SLC15A5: variants seen among roughly 807,000 people sequenced by gnomAD.
The protein encoded by SLC15A5 is Peptide/histidine transporter ENSP00000340402.
Under a neutral mutation model 56.1 loss-of-function variants are expected in SLC15A5, and 58 were observed. That is an observed-to-expected ratio of 1.03 (90% CI 0.84 to 1.29). The LOEUF (loss-of-function observed/expected upper bound fraction) is 1.29. SLC15A5 is among the 50% of genes most tolerant of loss of function. The pLI is 0.00. For synonymous variants in SLC15A5, 264 were observed against 250.5 expected, an observed-to-expected ratio of 1.05 and a Z score of -0.51; for missense variants, 681 against 672.1, an observed-to-expected ratio of 1.01 and a Z score of -0.15.
intron 6 of SLC15A5, among the ~76,000 whole-genome samples, chr12:16,219,925 C>G (rs6488826): frequency 0.56 from 84,451 of 151,954 alleles, 23,741 homozygotes; most frequent in South Asian, 0.74. Context: ...AATGTGCCTC[C>G]AGGTAGTAGC....
chr12:16,235,175 T>C lies in SLC15A5; in HGVS notation c.1162+4506A>G, dbSNP rs1864337221. Among the ~76,000 whole-genome samples, 1 of 151,592 alleles carries C rather than the reference T, an allele frequency of 6.6e-6. No homozygotes were observed. The highest frequency in any genetic ancestry group is 1.5e-5 in the Non-Finnish European group (1 of 67,888). On this transcript the variant is annotated intron_variant, in intron 5 of 8. Transcript: ENST00000344941. This position sits in a 1 kb window ranked among gnomAD's most constrained non-coding sequence, Gnocchi z 4.1. ...ACTTTTTAGGGTGGCATATGTTTTTTATTTTTATTGTTTTCCCCTATTTGT... is the reference window on the plus strand; with the variant it reads ...ACTTTTTAGGGTGGCATATGTTTTTCATTTTTATTGTTTTCCCCTATTTGT...
In SLC15A5 at chr12:16,256,027, TCACTAGCTGTA is replaced by T. The variant is rs1864568312; in HGVS notation, c.754+1663_754+1673del. Among the ~76,000 whole-genome samples, 4 of 152,320 alleles carry T rather than the reference TCACTAGCTGTA, an allele frequency of 2.6e-5. No homozygotes were observed. In the East Asian group the frequency reaches 7.7e-4, roughly 29 times the overall value. ...CCAAGTATGGAAACAAATTTGAGAA[TCACTAGCTGTA>T]GTAGATTAAAATACATAAAAAATGC... On this transcript the variant is annotated intron_variant, in intron 3 of 8. Coordinates refer to ENST00000344941, the MANE Select transcript of SLC15A5 (RefSeq NM_001170798.1).
At chr12:16,261,288 C>T (rs1188997278) in intron 2 of SLC15A5, among the ~76,000 whole-genome samples, 2 of 152,224 alleles carry the variant, frequency 1.3e-5, no homozygotes, top group East Asian at 3.9e-4. Context: ...TTTTTTCTGC[C>T]ACTATAAATT....
Position 16,247,445 on chromosome 12 carries a change from G to A in SLC15A5, c.755-2645C>T, listed in dbSNP as rs1671495. On this transcript the variant is annotated intron_variant, in intron 3 of 8. Transcript: ENST00000344941. ...GGGCCCTGAAAATATAGCAGTGAAC[G>A]GTACCTACAAACTCCTGATTCTTCT... 8.7e-3 allele frequency among the ~76,000 whole-genome samples: 1,326 copies of A among 152,170 alleles called. 9 individuals are homozygous for A. The highest frequency in any genetic ancestry group is 0.03 in the African/African-American group (1,228 of 41,514).
intron 5 of SLC15A5, 94 bp downstream of exon 5, chr12:16,239,587 C>G (rs746653566): frequency 8.2e-7 from 1 of 1,215,948 alleles, no homozygotes; most frequent in Non-Finnish European, 1.1e-6. Context: ...AAATCTGACA[C>G]TACTCAGGAG....
chr12:16,238,134 A>T (rs1436116380), intron 5 of SLC15A5, among the ~76,000 whole-genome samples: 1 of 152,198 alleles, frequency 6.6e-6, no homozygotes, highest in Non-Finnish European at 1.5e-5. Context: ...TCTATAATTG[A>T]AGATGATAAA....
In SLC15A5 at chr12:16,271,826, T is replaced by TA. The variant is rs1187806707; in HGVS notation, c.584+734dup. On this transcript the variant is annotated intron_variant, in intron 2 of 8. Coordinates refer to ENST00000344941, the MANE Select transcript of SLC15A5 (RefSeq NM_001170798.1). The surrounding 1 kb of genome is among the most constrained non-coding windows in gnomAD (Gnocchi z 8.0). The stretch of plus-strand genomic sequence containing the variant: ...TATTTGGTAATATAAATTGTTTCCT[T>TA]AAAAAACACAAAAACCGACGAACTC... Among the ~76,000 whole-genome samples, 1 of 152,076 alleles carries TA rather than the reference T, an allele frequency of 6.6e-6. No individual in the cohort carries two copies. The highest frequency in any genetic ancestry group is 1.5e-5 in the Non-Finnish European group (1 of 67,994).
At position 16,189,788 on chromosome 12, in the gene SLC15A5, G is replaced by A. The variant is rs1268525257; in HGVS notation, c.1620C>T (p.Ala540=). Residue 540 remains alanine, a synonymous_variant, in exon 9 of 9, where the codon GCC becomes GCT. Coordinates refer to ENST00000344941, the MANE Select transcript of SLC15A5 (RefSeq NM_001170798.1). ...QRYCNLNHFN[A]QNIRGSNLEE... ...CAAGATTACTTCCACGGATGTTCTG[G>A]GCATTAAAATGATTTAGATTACAAT... 1.3e-6 allele frequency: 2 copies of A among 1,514,444 alleles called. No individual in the cohort carries two copies. Among genetic ancestry groups the A allele is most frequent in the Non-Finnish European group, 1.8e-6 (2 of 1,137,186 alleles). The allele number at this position is 1,514,444 out of a possible 1,614,324, so 93.8% of individuals were successfully genotyped here. A position where few individuals can be genotyped will look rare whatever the true frequency, so the allele number is the denominator to read the frequency against.
chr12:16,211,013 C>T (rs1864074595), intron 7 of SLC15A5, among the ~76,000 whole-genome samples: 2 of 152,150 alleles, frequency 1.3e-5, no homozygotes. Flanking sequence ...CTGACTTAGC[C>T]ACAGGAACCA....
At chr12:16,264,584 A>G (rs1864674906) in intron 2 of SLC15A5, among the ~76,000 whole-genome samples, 1 of 152,152 alleles carries the variant, frequency 6.6e-6, no homozygotes, top group African/African-American at 2.4e-5. Flanking sequence ...CAGAGGCAGA[A>G]TGATATTGTT....
intron 8 of SLC15A5, among the ~76,000 whole-genome samples, chr12:16,190,334 T>A (rs778856491): frequency 2.6e-5 from 4 of 152,134 alleles, no homozygotes; most frequent in Non-Finnish European, 4.4e-5. Flanking sequence ...TTTCACAGAT[T>A]AAGAAACTGA....
intron 3 of SLC15A5, among the ~76,000 whole-genome samples, chr12:16,253,768 C>T (rs1465968244): frequency 6.6e-6 from 1 of 152,114 alleles, no homozygotes; most frequent in East Asian, 1.9e-4. Context: ...ATTAAAAGAT[C>T]AGAAAAATAC....
intron 7 of SLC15A5, among the ~76,000 whole-genome samples, chr12:16,211,752 G>T (rs1864083216): frequency 6.6e-6 from 1 of 152,142 alleles, no homozygotes; most frequent in East Asian, 1.9e-4. Context: ...AGTGTAGGAG[G>T]ATGAGTTTAG....
intron 2 of SLC15A5, among the ~76,000 whole-genome samples, chr12:16,261,212 C>T (rs1864640086): frequency 6.6e-6 from 1 of 152,058 alleles, no homozygotes; most frequent in East Asian, 1.9e-4. Context: ...TCAGTCACAT[C>T]CCTTTGTCAT....
chr12:16,257,579 A>G (rs993556334), intron 3 of SLC15A5, 122 bp downstream of exon 3: 6 of 724,238 alleles, frequency 8.3e-6, no homozygotes, highest in Non-Finnish European at 1.2e-5. Flanking sequence ...TATCAAGGGT[A>G]ATATCTGACA....
chr12:16,275,273 G>A (rs1244588062), intron 1 of SLC15A5, among the ~76,000 whole-genome samples: 2 of 152,048 alleles, frequency 1.3e-5, no homozygotes, highest in African/African-American at 4.8e-5. Context: ...AGAGAGAAGA[G>A]CATGTACAAG....
rs866655271 is a variant in SLC15A5, at chr12:16,244,596, C to T, written c.959G>A (p.Arg320Lys). ...LPLFIFQLLYRMCIMQIPSGY... is the reference protein window; with the variant it reads ...LPLFIFQLLYKMCIMQIPSGY... The stretch of plus-strand genomic sequence containing the variant: ...TGTCCTTACCTGCATAATGCACATT[C>T]TGTATAGGAGCTGAAAAATGAAGAG... Residue 320 changes from arginine to lysine, a missense_variant, in exon 4 of 9, where the codon AGA (arginine) becomes AAA (lysine). By Grantham distance (26) the Arg-to-Lys change is conservative. Coordinates refer to ENST00000344941, the MANE Select transcript of SLC15A5 (RefSeq NM_001170798.1). The T allele has an allele frequency of 7.2e-6, 11 of 1,537,590 alleles. No homozygotes were observed. In the Admixed American group the frequency reaches 7.8e-5, roughly 11 times the overall value.
chr12:16,224,326 A>G (rs1864217275), intron 6 of SLC15A5, 88 bp downstream of exon 6: 1 of 1,262,492 alleles, frequency 7.9e-7, no homozygotes, highest in African/African-American at 1.5e-5. Flanking sequence ...AATAGATGAC[A>G]TACCACTTTA....
At chr12:16,249,723 A>G (rs745502603) in intron 3 of SLC15A5, among the ~76,000 whole-genome samples, 12 of 152,058 alleles carry the variant, frequency 7.9e-5, no homozygotes, top group African/African-American at 1.7e-4. Context: ...GTAGATTAAG[A>G]AGCAAATGAA....
Sources: allele counts gnomAD v4.1 joint callset (sites outside exome capture counted in the v4.1 genomes callset), GRCh38; gene constraint gnomAD v4.1.1; non-coding constraint Gnocchi (gnomAD v3.1); transcripts MANE v1.5; gene names NCBI Gene and HGNC (gene_info 2026-07-23, HGNC 2026-07-21).